The following ZNF280B variants were observed in gnomAD, a reference collection of about 807,000 sequenced individuals.
ZNF280B encodes the protein suppressor of hairy wing homolog 2.
Under a neutral mutation model 38.0 loss-of-function variants are expected in ZNF280B, and 16 were observed. The observed-to-expected ratio is 0.42, with a 90% CI of 0.28 to 0.64. The LOEUF (loss-of-function observed/expected upper bound fraction) is 0.64, where lower values mean the gene tolerates loss of function less well. Ranked by LOEUF, ZNF280B falls within the 30% of genes least tolerant of loss-of-function variation. ZNF280B has a pLI of 0.21. For missense variants in ZNF280B, 581 were observed against 639.6 expected (o/e 0.91, Z 0.99); for synonymous variants, 253 against 230.6 (o/e 1.10, Z -0.88).
chr22:22,488,337 A>G lies in ZNF280B; in HGVS notation c.1062T>C (p.Thr354=), dbSNP rs565755927. ...CGATGTGACACTGTAGCTGGAAGGG[A>G]GTGGGAAACTGCCGGTGGCAGTGCT... The part of the protein sequence containing the change: ...TCQHCHRQFP[T]PFQLQCHIEN... Residue 354 remains threonine, a synonymous_variant, in exon 4 of 4, where the codon ACT becomes ACC. Transcript: ENST00000626650. The G allele has an allele frequency of 6.2e-7, 1 of 1,613,710 alleles. No homozygotes were observed. The highest frequency in any genetic ancestry group is 1.3e-5 in the African/African-American group (1 of 74,890).
chr22:22,499,028 T>C (rs1221879633), intron 2 of ZNF280B, among the ~76,000 whole-genome samples: 1 of 151,586 alleles, frequency 6.6e-6, no homozygotes, highest in East Asian at 2.0e-4. Context: ...CTCAATCTCC[T>C]GACCTCGTGA....
At chr22:22,495,854 C>T (rs979287799) in intron 2 of ZNF280B, among the ~76,000 whole-genome samples, 6 of 151,242 alleles carry the variant, frequency 4.0e-5, no homozygotes, top group African/African-American at 1.5e-4. Flanking sequence ...AGTGCAGTGG[C>T]ACAGTCTTGT....
intron 2 of ZNF280B, among the ~76,000 whole-genome samples, chr22:22,507,567 T>C (rs1239756510): frequency 2.0e-5 from 3 of 150,238 alleles, no homozygotes; most frequent in Non-Finnish European, 4.4e-5. Flanking sequence ...TTTTTTTTTT[T>C]CAAGAGATGT....
intron 3 of ZNF280B, among the ~76,000 whole-genome samples, chr22:22,490,080 A>G (rs537866360): frequency 4.5e-4 from 69 of 152,100 alleles, no homozygotes; most frequent in African/African-American, 1.6e-3. Flanking sequence ...GTACCTACAC[A>G]TAACCAACAA....
chr22:22,487,641 G>T lies in ZNF280B; in HGVS notation c.*126C>A. ...ATATATCCTGAATCTTGTTTAAAAAGTCATATATAATCCACTAGTTTCACT... is the reference window on the plus strand; with the variant it reads ...ATATATCCTGAATCTTGTTTAAAAATTCATATATAATCCACTAGTTTCACT... On this transcript the variant is annotated 3_prime_UTR_variant, in exon 4 of 4. Transcript: ENST00000626650. 1.4e-6 allele frequency: 1 copy of T among 727,132 alleles called. No homozygotes were observed. Among genetic ancestry groups the T allele is most frequent in the Non-Finnish European group, 2.2e-6 (1 of 457,122 alleles). 45.0% of individuals were successfully genotyped at this position (727,132 alleles called of 1,614,324 possible).
rs374527897 is a variant in ZNF280B, at chr22:22,506,757, T to C, written c.-187+1053A>G. 9.9e-5 allele frequency among the ~76,000 whole-genome samples: 15 copies of C among 151,958 alleles called. No homozygotes were observed. The East Asian group carries it at 3.0e-3, about 30-fold the overall frequency. On this transcript the variant is annotated intron_variant, in intron 2 of 3. Transcript: ENST00000626650. Reference sequence around the variant, plus strand: ...ATATCCTTAAATAAACAAGTGCACATGTAGAGGTTCTGGCCTTAGCAAGAA... The same window carrying C: ...ATATCCTTAAATAAACAAGTGCACACGTAGAGGTTCTGGCCTTAGCAAGAA...
chr22:22,498,960 G>C (rs1231866158), intron 2 of ZNF280B, among the ~76,000 whole-genome samples: 1 of 151,460 alleles, frequency 6.6e-6, no homozygotes, highest in African/African-American at 2.4e-5. Flanking sequence ...ATCACGCCCA[G>C]CTAATTTTTT....
At chr22:22,507,481 ATG>A (rs1478467878) in intron 2 of ZNF280B, among the ~76,000 whole-genome samples, 1 of 151,686 alleles carries the variant, frequency 6.6e-6, no homozygotes, top group African/African-American at 2.4e-5. Context: ...CAGTTACCTC[ATG>A]AAATACAGTC....
At chr22:22,499,243 AATTTT>A (rs1569182257) in intron 2 of ZNF280B, among the ~76,000 whole-genome samples, 1 of 151,738 alleles carries the variant, frequency 6.6e-6, no homozygotes, top group Admixed American at 6.6e-5. Flanking sequence ...AACCAACAAT[AATTTT>A]ATTTTTATTA....
In ZNF280B at chr22:22,497,208, TAAAAAAAAAAAAAAAAAAAAAAAAAAA is replaced by T. The variant is rs71199486; in HGVS notation, c.-186-3055_-186-3029del. 1.9e-3 allele frequency among the ~76,000 whole-genome samples: 63 copies of T among 33,644 alleles called. 2 individuals carry two copies. Among genetic ancestry groups the T allele is most frequent in the African/African-American group, 5.0e-3 (53 of 10,530 alleles). 22.1% of individuals were successfully genotyped at this position (33,644 alleles called of 152,430 possible). ...TGAGCAGAATCTTGGTCTCCATCTT[TAAAAAAAAAAAAAAAAAAAAAAAAAAA>T]AAAAAAAAAAAAAGGCCAGGCACAG... On this transcript the variant is annotated intron_variant, in intron 2 of 3. Coordinates refer to ENST00000626650, the MANE Select transcript of ZNF280B (RefSeq NM_080764.4).
Position 22,489,022 on chromosome 22 carries a change from T to C in ZNF280B, c.377A>G (p.Tyr126Cys), listed in dbSNP as rs142464126. 2 of 1,613,750 alleles carry C rather than the reference T, an allele frequency of 1.2e-6. No individual in the cohort carries two copies. Among genetic ancestry groups the C allele is most frequent in the East Asian group, 2.2e-5 (1 of 44,800 alleles). The change falls in exon 4 of 4, where the codon TAT (tyrosine) becomes TGT (cysteine). Residue 126 changes from tyrosine (Y) to cysteine (C), a missense_variant. Tyr to Cys is a radical substitution (Grantham distance 194). Coordinates refer to ENST00000626650, the MANE Select transcript of ZNF280B (RefSeq NM_080764.4). ...IIIEPLSKPD[Y>C]RNSSPQVVPN... The stretch of plus-strand genomic sequence containing the variant: ...CACAACTTGTGGTGAACTATTTCTA[T>C]AATCAGGTTTAGACAAAGGCTCAAT...
intron 2 of ZNF280B, among the ~76,000 whole-genome samples, chr22:22,505,573 T>TAA (rs2061920749): frequency 1.5e-5 from 2 of 137,380 alleles, no homozygotes; most frequent in African/African-American, 5.5e-5. Context: ...CTCAAAAAAA[T>TAA]AAATAAAAAT....
intron 3 of ZNF280B, among the ~76,000 whole-genome samples, chr22:22,490,923 TCCAA>T (rs2061581340): frequency 6.6e-6 from 1 of 151,854 alleles, no homozygotes; most frequent in South Asian, 2.1e-4. Context: ...TCTCAAATAT[TCCAA>T]CCAACCTCTA....
At chr22:22,490,612 C>A (rs2061573954) in intron 3 of ZNF280B, among the ~76,000 whole-genome samples, 1 of 151,910 alleles carries the variant, frequency 6.6e-6, no homozygotes, top group Non-Finnish European at 1.5e-5. Flanking sequence ...GGACTACAGG[C>A]ATGCACCACC....
rs952765468 is a variant in ZNF280B, at chr22:22,505,629, G to A, written c.-187+2181C>T. 3.1e-4 allele frequency among the ~76,000 whole-genome samples: 46 copies of A among 150,706 alleles called. 1 individual carries two copies. Among genetic ancestry groups the A allele is most frequent in the South Asian group, 1.5e-3 (7 of 4,676 alleles). On this transcript the variant is annotated intron_variant, in intron 2 of 3. Coordinates refer to ENST00000626650, the MANE Select transcript of ZNF280B (RefSeq NM_080764.4). ...ACAAAAATTAGCTGGGTGTGGTGGC[G>A]GGCACCTGTAATCCCAGCTACTTGG...
chr22:22,500,478 T>A (rs1435222299), intron 2 of ZNF280B, among the ~76,000 whole-genome samples: 1 of 151,800 alleles, frequency 6.6e-6, no homozygotes, highest in Non-Finnish European at 1.5e-5. Flanking sequence ...CCAAATAAAA[T>A]AAACCAGTCA....
chr22:22,497,989 C>T (rs746664492), intron 2 of ZNF280B, among the ~76,000 whole-genome samples: 18 of 151,758 alleles, frequency 1.2e-4, no homozygotes, highest in Non-Finnish European at 2.5e-4. Flanking sequence ...ATAAACAAAC[C>T]ATGGTATATA....
At position 22,484,941 on chromosome 22, in the gene ZNF280B, CAATT is replaced by C. The variant is rs2061485887; in HGVS notation, c.*2822_*2825del. Reference sequence around the variant, plus strand: ...TCAATGAACCAAAGGAAGTGTCAAACAATTAAGTGAGGTAGCAAGCCATGCAGGC... The same window carrying C: ...TCAATGAACCAAAGGAAGTGTCAAACAAGTGAGGTAGCAAGCCATGCAGGC... On this transcript the variant is annotated 3_prime_UTR_variant, in exon 4 of 4. Transcript: ENST00000626650. 6.6e-6 allele frequency: 1 copy of C among 150,652 alleles called. No individual in the cohort carries two copies. Among genetic ancestry groups the C allele is most frequent in the African/African-American group, 2.5e-5 (1 of 40,814 alleles). 9.3% of individuals were successfully genotyped at this position (150,652 alleles called of 1,614,324 possible). A position where few individuals can be genotyped will look rare whatever the true frequency, so the allele number is the denominator to read the frequency against.
intron 2 of ZNF280B, among the ~76,000 whole-genome samples, chr22:22,502,908 G>A (rs2061854241): frequency 6.6e-6 from 1 of 151,984 alleles, no homozygotes; most frequent in African/African-American, 2.4e-5. Flanking sequence ...ATACAGGTGG[G>A]CCCTAAATGC....
Sources: gnomAD v4.1 joint callset for allele counts (sites outside exome capture counted in the v4.1 genomes callset) on GRCh38, gnomAD v4.1.1 for gene constraint, MANE v1.5 for transcripts, NCBI Gene and HGNC (gene_info 2026-07-23, HGNC 2026-07-21) for gene names.